The following PLPPR1 variants were observed in gnomAD, a reference collection of about 807,000 sequenced individuals.
PLPPR1 encodes phospholipid phosphatase-related protein type 1.
A neutral mutation model predicts 33.1 loss-of-function variants in PLPPR1; 10 were observed. The observed-to-expected ratio is 0.30, with a 90% CI of 0.19 to 0.51. The LOEUF (loss-of-function observed/expected upper bound fraction) is 0.51, where lower values mean the gene tolerates loss of function less well. Ranked by LOEUF, PLPPR1 falls within the 20% of genes least tolerant of loss-of-function variation. The pLI is 0.97. For missense variants in PLPPR1, 304 were observed against 408.1 expected (o/e 0.74, Z 2.20); for synonymous variants, 151 against 151.0 (o/e 1.00, Z 0.00).
intron 1 of PLPPR1, among the ~76,000 whole-genome samples, chr9:101,048,290 A>T (rs976350228): frequency 6.6e-6 from 1 of 152,196 alleles, no homozygotes; most frequent in Non-Finnish European, 1.5e-5. Context: ...AAAAATGACA[A>T]CCGAGTTTAT....
At position 101,121,470 on chromosome 9, in the gene PLPPR1, G is replaced by A. The variant is rs767663214; in HGVS notation, c.-45-63980G>A. Among the ~76,000 whole-genome samples the A allele has an allele frequency of 2.0e-5, 3 of 152,154 alleles. No individual in the cohort carries two copies. In the South Asian group the frequency reaches 6.2e-4, roughly 32 times the overall value. On this transcript the variant is annotated intron_variant, in intron 1 of 7. Transcript: ENST00000374874. ...TTCAACGCACCAGGCCACCTTTTAT[G>A]AAGAAATAAAGGCTATGCTGACCAA...
chr9:101,282,757 G>A (rs1828326288), intron 3 of PLPPR1, among the ~76,000 whole-genome samples: 1 of 152,032 alleles, frequency 6.6e-6, no homozygotes, highest in Non-Finnish European at 1.5e-5. Flanking sequence ...TATATTAACT[G>A]CAAGCTATCT....
At chr9:101,321,099 G>A (rs767974569) in intron 7 of PLPPR1, among the ~76,000 whole-genome samples, 2 of 152,146 alleles carry the variant, frequency 1.3e-5, no homozygotes, top group Non-Finnish European at 2.9e-5. Context: ...TGTTAGAAAC[G>A]GCATCTTTGT....
intron 1 of PLPPR1, among the ~76,000 whole-genome samples, chr9:101,108,115 C>G (rs546393141): frequency 2.7e-5 from 4 of 146,906 alleles, no homozygotes; most frequent in Non-Finnish European, 6.0e-5. Flanking sequence ...TCTTCTGCGT[C>G]GCTCACGCTG....
chr9:101,049,282 G>A (rs1366533268), intron 1 of PLPPR1, among the ~76,000 whole-genome samples: 1 of 152,206 alleles, frequency 6.6e-6, no homozygotes, highest in Non-Finnish European at 1.5e-5. Flanking sequence ...ATTTAAGGAT[G>A]TATCCAGTGA....
intron 3 of PLPPR1, among the ~76,000 whole-genome samples, chr9:101,270,305 T>TA (rs201044247): frequency 0.016 from 2,359 of 150,992 alleles, 25 homozygotes; most frequent in South Asian, 0.039. Flanking sequence ...TGTTTTTTTT[T>TA]AAAAAGCATG....
At chr9:101,192,543 A>C (rs1279305424) in intron 2 of PLPPR1, among the ~76,000 whole-genome samples, 1 of 152,176 alleles carries the variant, frequency 6.6e-6, no homozygotes, top group African/African-American at 2.4e-5. Context: ...GGGGAAAAAA[A>C]ACGTGGCTGT....
At chr9:101,174,511 G>T (rs1825991266) in intron 1 of PLPPR1, among the ~76,000 whole-genome samples, 1 of 152,048 alleles carries the variant, frequency 6.6e-6, no homozygotes, top group African/African-American at 2.4e-5. Flanking sequence ...CCTTTTGAAG[G>T]GCATTTTTAT....
In PLPPR1 at chr9:101,230,808, G is replaced by A. The variant is rs76706785; in HGVS notation, c.64-39072G>A. On this transcript the variant is annotated intron_variant, in intron 2 of 7. Transcript: ENST00000374874. ...AAAATAAAAAAGAATTAAAACATCA[G>A]ACTTTTAGACATTATTAAAGTTTTT... is the stretch of plus-strand genomic sequence containing the variant. 6.5e-3 allele frequency among the ~76,000 whole-genome samples: 946 copies of A among 145,988 alleles called. 8 individuals are homozygous for A. Among genetic ancestry groups the A allele is most frequent in the African/African-American group, 0.023 (896 of 38,224 alleles).
At position 101,156,572 on chromosome 9, in the gene PLPPR1, AAG is replaced by A. The variant is rs1315485046; in HGVS notation, c.-45-28876_-45-28875del. Among the ~76,000 whole-genome samples, 341 of 95,472 alleles carry A rather than the reference AAG, an allele frequency of 3.6e-3. 4 individuals carry two copies. Among genetic ancestry groups the A allele is most frequent in the African/African-American group, 0.01 (300 of 28,598 alleles). The allele number at this position is 95,472 out of a possible 152,430, so 62.6% of individuals were successfully genotyped here. On this transcript the variant is annotated intron_variant, in intron 1 of 7. Coordinates refer to ENST00000374874, the MANE Select transcript of PLPPR1 (RefSeq NM_207299.2). ...GTCTCCAAAAAAAAAAAAAAAAAAA[AAG>A]AAAGAAAGAAAGAAAAAAAAGAAAT...
chr9:101,234,920 TA>T (rs1174603882), intron 2 of PLPPR1, among the ~76,000 whole-genome samples: 1 of 151,978 alleles, frequency 6.6e-6, no homozygotes, highest in Non-Finnish European at 1.5e-5. Context: ...AGAATTTCAT[TA>T]AGTCTCAGGA....
At chr9:101,276,729 C>G (rs1329079) in intron 3 of PLPPR1, among the ~76,000 whole-genome samples, 61,826 of 152,062 alleles carry the variant, frequency 0.41, 12,678 homozygotes, top group African/African-American at 0.46. Context: ...CCCTGGTGCT[C>G]TATTTTATAT....
intron 1 of PLPPR1, among the ~76,000 whole-genome samples, chr9:101,149,247 G>A (rs1012979656): frequency 1.3e-5 from 2 of 152,158 alleles, no homozygotes; most frequent in African/African-American, 4.8e-5. Flanking sequence ...ATTAAGTAAA[G>A]CATAGACACT....
At chr9:101,257,781 C>T (rs1044079096) in intron 2 of PLPPR1, among the ~76,000 whole-genome samples, 25 of 152,008 alleles carry the variant, frequency 1.6e-4, no homozygotes, top group Admixed American at 1.3e-3. Flanking sequence ...CACCATAGCC[C>T]ATCCATAATG....
intron 2 of PLPPR1, among the ~76,000 whole-genome samples, chr9:101,252,996 C>A (rs767786060): frequency 6.6e-6 from 1 of 151,808 alleles, no homozygotes; most frequent in Non-Finnish European, 1.5e-5. Context: ...CTTATTATAA[C>A]CAAAACTCTT....
At chr9:101,126,123 AT>A (rs1353742883) in intron 1 of PLPPR1, among the ~76,000 whole-genome samples, 1 of 152,208 alleles carries the variant, frequency 6.6e-6, no homozygotes, top group Non-Finnish European at 1.5e-5. Context: ...CAGATACTTG[AT>A]TAACCCAATA....
intron 2 of PLPPR1, among the ~76,000 whole-genome samples, chr9:101,249,349 A>C (rs1393332023): frequency 6.6e-6 from 1 of 152,062 alleles, no homozygotes; most frequent in Non-Finnish European, 1.5e-5. Flanking sequence ...ATGATATTCT[A>C]TCTCATTTTA....
chr9:101,131,710 C>G (rs1831316423), intron 1 of PLPPR1: 1 of 152,192 alleles, frequency 6.6e-6, no homozygotes, highest in Non-Finnish European at 1.5e-5. Flanking sequence ...ATATTGTAAC[C>G]TAACTTTTCA....
chr9:101,222,659 G>A (rs1826969561), intron 2 of PLPPR1, among the ~76,000 whole-genome samples: 1 of 152,182 alleles, frequency 6.6e-6, no homozygotes, highest in South Asian at 2.1e-4. Flanking sequence ...ATCTGAGAAT[G>A]ACAGGTCTTA....
Sources: allele counts gnomAD v4.1 joint callset (sites outside exome capture counted in the v4.1 genomes callset), GRCh38; gene constraint gnomAD v4.1.1; transcripts MANE v1.5; gene names NCBI Gene and HGNC (gene_info 2026-07-23, HGNC 2026-07-21).